Variants in DNAH17 observed in about 807,000 individuals in gnomAD.
The protein encoded by DNAH17 is dynein axonemal heavy chain 17.
Under a neutral mutation model 485.6 loss-of-function variants are expected in DNAH17, and 376 were observed. That is an observed-to-expected ratio of 0.77 (90% CI 0.71 to 0.84). The LOEUF (loss-of-function observed/expected upper bound fraction) is 0.84, where lower values mean the gene tolerates loss of function less well. Ranked by LOEUF, DNAH17 falls within the 40% of genes least tolerant of loss-of-function variation. DNAH17 has a pLI of 0.00. For synonymous variants in DNAH17, 3,031 were observed against 2,405.9 expected (o/e 1.26, Z -7.60); for missense variants, 6,370 against 5,839.3 (o/e 1.09, Z -2.96).
chr17:78,430,871 T>C (rs933469654), intron 75 of DNAH17, among the ~76,000 whole-genome samples: 15 of 151,982 alleles, frequency 9.9e-5, no homozygotes, highest in East Asian at 5.8e-4. Context: ...TGTGAGCCAC[T>C]GTGCCCAGCC....
intron 17 of DNAH17, among the ~76,000 whole-genome samples, chr17:78,542,125 C>CCCA (rs1316531364): frequency 1.3e-4 from 19 of 148,076 alleles, no homozygotes; most frequent in African/African-American, 4.8e-4. Context: ...CCGCCCCCCC[C>CCCA]AAAAACTGCC....
chr17:78,530,609 G>A (rs1238775000), intron 20 of DNAH17, 97 bp from the exon 21 acceptor site: 2 of 1,417,182 alleles, frequency 1.4e-6, no homozygotes, highest in South Asian at 1.4e-5. Flanking sequence ...CACTGCACCT[G>A]CGCTGCTCAC....
At chr17:78,535,786 A>G (rs1436580415) in intron 19 of DNAH17, among the ~76,000 whole-genome samples, 1 of 152,164 alleles carries the variant, frequency 6.6e-6, no homozygotes, top group Non-Finnish European at 1.5e-5. Flanking sequence ...TAACTTGATA[A>G]ATGTCTAATA....
chr17:78,548,378 G>T lies in DNAH17; in HGVS notation c.2391+3157C>A, dbSNP rs868385806. On this transcript the variant is annotated intron_variant, in intron 16 of 80. Transcript: ENST00000389840. ...CGCCACTACACCTGGCTAATTTTTT[G>T]TATTTTTAGTAGAGACGGAGTTTCA... 7.9e-5 allele frequency among the ~76,000 whole-genome samples: 12 copies of T among 151,934 alleles called. No individual in the cohort carries two copies. In the South Asian group the frequency reaches 1.5e-3, roughly 18 times the overall value.
At chr17:78,495,404 T>C (rs1028393087) in intron 38 of DNAH17, among the ~76,000 whole-genome samples, 1 of 150,798 alleles carries the variant, frequency 6.6e-6, no homozygotes, top group Non-Finnish European at 1.5e-5. Context: ...GAGTGCTTTC[T>C]AAGGAGGCCC....
rs779784408 is a variant in DNAH17 at position 78,571,548 on chromosome 17, C to T, written c.732+42G>A. 15 of 1,610,030 alleles carry T rather than the reference C, an allele frequency of 9.3e-6. No individual in the cohort carries two copies. In the Admixed American group the frequency reaches 2.2e-4, roughly 23 times the overall value. On this transcript the variant is annotated intron_variant, in intron 4 of 80. Coordinates refer to ENST00000389840, the MANE Select transcript of DNAH17 (RefSeq NM_173628.4). ...CGGAGAGCTCGGCCCGGTCGCCCAGCTGGGACGAGGCTGCAGCCCCACAGG... is the reference window on the plus strand; with the variant it reads ...CGGAGAGCTCGGCCCGGTCGCCCAGTTGGGACGAGGCTGCAGCCCCACAGG...
intron 65 of DNAH17, 38 bp downstream of exon 65, chr17:78,453,305 T>G (rs762198764): frequency 6.8e-6 from 11 of 1,606,764 alleles, no homozygotes; most frequent in Non-Finnish European, 7.7e-6. Context: ...CCTGAAGATG[T>G]TTACCTGGCT....
At position 78,507,699 on chromosome 17, in the gene DNAH17, G is replaced by A. The variant is rs59690629; in HGVS notation, c.4343C>T (p.Thr1448Met). The A allele has an allele frequency of 4.9e-4, 791 of 1,610,238 alleles. 1 individual carries two copies. In the African/African-American group the frequency reaches 7.7e-3, roughly 16 times the overall value. ...MLKSSEVLVETLEDNQVQLQN... is the reference protein window; with the variant it reads ...MLKSSEVLVEMLEDNQVQLQN... ...CAGCTGCACCTGGTTGTCCTCCAGC[G>A]TCTCCACCAGCACCTCGCTGGACTT... The change falls in exon 28 of 81, where the codon ACG becomes ATG. Residue 1448 changes from threonine to methionine, a missense_variant. Coordinates refer to ENST00000389840, the MANE Select transcript of DNAH17 (RefSeq NM_173628.4).
intron 52 of DNAH17, among the ~76,000 whole-genome samples, chr17:78,476,352 CG>C (rs2089021812): frequency 2.2e-5 from 2 of 92,204 alleles, no homozygotes; most frequent in East Asian, 6.2e-4. Flanking sequence ...CCGGAGTTAT[CG>C]CGTGGAACCC....
Position 78,445,588 on chromosome 17 carries a change from G to A in DNAH17, c.11304C>T (p.Phe3768=), listed in dbSNP as rs2087250365. 7 of 1,563,396 alleles carry A rather than the reference G, an allele frequency of 4.5e-6. No individual in the cohort carries two copies. The highest frequency in any genetic ancestry group is 1.7e-4 in the Middle Eastern group (1 of 5,998). The change falls in exon 70 of 81, where the codon TTC becomes TTT. Residue 3768 remains phenylalanine, a synonymous_variant. Transcript: ENST00000389840. ...TCCCGCCCCAGCCTTGATGCTGGAG[G>A]AAGTCCACTGGTGAGACCACTCCGG... ...FKAGVVSPVD[F]LQHQGWGGIK...
intron 16 of DNAH17, among the ~76,000 whole-genome samples, chr17:78,549,073 C>T (rs1268976971): frequency 1.3e-5 from 2 of 152,186 alleles, no homozygotes; most frequent in Admixed American, 6.5e-5. Flanking sequence ...GTTAGCAGAG[C>T]CCCTATTGGG....
At chr17:78,450,955 G>T in intron 66 of DNAH17, 109 bp from the exon 67 acceptor site, 1 of 1,405,328 alleles carries the variant, frequency 7.1e-7, no homozygotes, top group Non-Finnish European at 9.8e-7. Context: ...CTTTGAGCGG[G>T]AGGAACGAGC....
chr17:78,501,147 C>A (rs1283906756), intron 35 of DNAH17, 37 bp downstream of exon 35: 7 of 1,539,770 alleles, frequency 4.5e-6, no homozygotes, highest in South Asian at 1.3e-5. Context: ...AGGGACCCAC[C>A]AAGAGCACAT....
chr17:78,518,806 T>C, intron 25 of DNAH17, among the ~76,000 whole-genome samples: 1 of 152,194 alleles, frequency 6.6e-6, no homozygotes, highest in East Asian at 1.9e-4. Context: ...GTGTGTTCTT[T>C]GACCATAATG....
intron 75 of DNAH17, 90 bp downstream of exon 75, chr17:78,433,939 A>AGGAGG: frequency 1.1e-6 from 1 of 913,654 alleles, no homozygotes; most frequent in South Asian, 1.9e-5. Flanking sequence ...GAGGGAGGGA[A>AGGAGG]GGAGGGAGGG....
intron 14 of DNAH17, among the ~76,000 whole-genome samples, chr17:78,555,518 C>A (rs191576334): frequency 2.7e-5 from 3 of 111,110 alleles, no homozygotes; most frequent in African/African-American, 1.1e-4. Context: ...CCACGGCTGC[C>A]GGGGAGAGGA....
chr17:78,426,496 G>A lies in DNAH17; in HGVS notation c.12876C>T (p.Gly4292=). ...WVARAYPSMM[G]LAAWYADLLL... is the part of the protein sequence containing the mutation. Reference sequence around the variant, plus strand: ...GCAGGTCTGCGTACCAGGCCGCCAGGCCCATCATGGAGGGGTAGGCCCGGG... The same window carrying A: ...GCAGGTCTGCGTACCAGGCCGCCAGACCCATCATGGAGGGGTAGGCCCGGG... The change falls in exon 79 of 81, where the codon GGC becomes GGT. Residue 4292 remains glycine (G), a synonymous_variant. Transcript: ENST00000389840. 1.3e-5 allele frequency: 21 copies of A among 1,612,980 alleles called. No homozygotes were observed. Among genetic ancestry groups the A allele is most frequent in the Non-Finnish European group, 1.8e-5 (21 of 1,179,416 alleles).
chr17:78,462,699 T>C, intron 57 of DNAH17, 145 bp downstream of exon 57: 1 of 736,558 alleles, frequency 1.4e-6, no homozygotes, highest in Non-Finnish European at 2.2e-6. Context: ...AGTAAATGCT[T>C]CTCAAAGGCA....
At chr17:78,533,461 C>A (rs1352507920) in intron 19 of DNAH17, among the ~76,000 whole-genome samples, 2 of 152,034 alleles carry the variant, frequency 1.3e-5, no homozygotes, top group Non-Finnish European at 2.9e-5. Flanking sequence ...TGGGAGGAGG[C>A]AGCGTGTTAG....
Sources: allele counts gnomAD v4.1 joint callset (sites outside exome capture counted in the v4.1 genomes callset), GRCh38; gene constraint gnomAD v4.1.1; transcripts MANE v1.5; gene names NCBI Gene and HGNC (gene_info 2026-07-23, HGNC 2026-07-21).